Variants in CHD1 observed in about 807,000 individuals in gnomAD.
CHD1 encodes the protein ATP-dependent chromatin remodeler CHD1.
In CHD1, 36 loss-of-function variants were observed where a neutral mutation model predicts 224.2. The ratio of observed to expected loss-of-function variants is 0.16; its 90% CI spans 0.12 to 0.21. The LOEUF (loss-of-function observed/expected upper bound fraction) is 0.21. Among genes scored for constraint, CHD1 ranks in the 10% least tolerant of loss-of-function variants. CHD1 has a pLI of 1.00. For synonymous variants in CHD1, 668 were observed against 658.3 expected, an observed-to-expected ratio of 1.01 and a Z score of -0.23; for missense variants, 1,378 against 1,994.8, an observed-to-expected ratio of 0.69 and a Z score of 5.89.
At chr5:98,907,049 T>C (rs933579930) in intron 2 of CHD1, among the ~76,000 whole-genome samples, 5 of 152,230 alleles carry the variant, frequency 3.3e-5, no homozygotes, top group African/African-American at 1.2e-4. Flanking sequence ...TTCTCATTAG[T>C]CATTAGTCAT....
At chr5:98,884,085 T>A (rs1243891594) in intron 18 of CHD1, among the ~76,000 whole-genome samples, 1 of 148,730 alleles carries the variant, frequency 6.7e-6, no homozygotes, top group Non-Finnish European at 1.5e-5. Context: ...TTTGTTTTTT[T>A]TTTTTTGAGA....
In CHD1 at chr5:98,907,698, T is replaced by C. The variant is rs554136987; in HGVS notation, c.54-2600A>G. ...AAAGATACCAAATGTTTATAGAATG[T>C]TTCTTTTGCATAAGAAAGAAAAATA... On this transcript the variant is annotated intron_variant, in intron 2 of 35. Coordinates refer to ENST00000614616, the MANE Select transcript of CHD1 (RefSeq NM_001270.4). Among the ~76,000 whole-genome samples the C allele has an allele frequency of 1.6e-4, 25 of 152,138 alleles. No individual in the cohort carries two copies. In the South Asian group the frequency reaches 2.5e-3, roughly 15 times the overall value.
At chr5:98,893,741 C>T (rs1751170042) in intron 13 of CHD1, 135 bp from the exon 14 acceptor site, 2 of 606,116 alleles carry the variant, frequency 3.3e-6, no homozygotes, top group African/African-American at 1.9e-5. Flanking sequence ...AATAAAAAAT[C>T]GTAATCTCAA....
chr5:98,915,861 A>G (rs1459826475), intron 2 of CHD1, among the ~76,000 whole-genome samples: 2 of 152,196 alleles, frequency 1.3e-5, no homozygotes, highest in Admixed American at 1.3e-4. Context: ...ATTATTCATA[A>G]TAATATTTAA....
At chr5:98,891,024 T>C (rs902049470) in intron 15 of CHD1, among the ~76,000 whole-genome samples, 8 of 152,180 alleles carry the variant, frequency 5.3e-5, no homozygotes, top group Admixed American at 2.6e-4. Context: ...TATCAAGAAA[T>C]TGATTCTGCT....
intron 20 of CHD1, 45 bp downstream of exon 20, chr5:98,881,930 T>A: frequency 6.5e-7 from 1 of 1,546,798 alleles, no homozygotes; most frequent in Non-Finnish European, 8.9e-7. Context: ...AAAATATGAG[T>A]TTACTGACTC....
chr5:98,920,283 T>C (rs148434385), intron 2 of CHD1, among the ~76,000 whole-genome samples: 3 of 152,152 alleles, frequency 2.0e-5, no homozygotes, highest in Admixed American at 6.5e-5. Flanking sequence ...CTCTTGAAAG[T>C]AGGCTAGACA....
At chr5:98,879,290 GAAGA>G (rs1234405078) in intron 23 of CHD1, among the ~76,000 whole-genome samples, 1 of 151,828 alleles carries the variant, frequency 6.6e-6, no homozygotes, top group Non-Finnish European at 1.5e-5. Context: ...AAGCAGAAAG[GAAGA>G]AATAATAAAT....
chr5:98,913,718 A>G (rs1359160673), intron 2 of CHD1, among the ~76,000 whole-genome samples: 1 of 152,196 alleles, frequency 6.6e-6, no homozygotes, highest in African/African-American at 2.4e-5. Flanking sequence ...AAAAAGGAAA[A>G]GATGTTATTA....
At chr5:98,862,160 A>C (rs1315479425) in intron 32 of CHD1, among the ~76,000 whole-genome samples, 1 of 152,214 alleles carries the variant, frequency 6.6e-6, no homozygotes, top group Non-Finnish European at 1.5e-5. Flanking sequence ...CATCTCAAAA[A>C]AATAAATAAA....
chr5:98,892,546 G>A lies in CHD1; in HGVS notation c.2159C>T (p.Ala720Val), dbSNP rs761936409. The change falls in exon 15 of 36, where the codon GCT becomes GTT. Residue 720 changes from alanine to valine, a missense_variant. Around this residue, in one of 16 missense-constraint regions of CHD1, gnomAD observed 58 missense variants for 90.0 expected, o/e 0.64. Transcript: ENST00000614616. Reference sequence around the variant, plus strand: ...TTACTTGTAATATTGTTTCTGTAAAGCACTCATTTCCATTCTTAAAATCTG... The same window carrying A: ...TTACTTGTAATATTGTTTCTGTAAAACACTCATTTCCATTCTTAAAATCTG... ...VEQILRMEMS[A>V]LQKQYYKWIL... 1 of 1,613,178 alleles carries A rather than the reference G, an allele frequency of 6.2e-7. No individual in the cohort carries two copies. Among genetic ancestry groups the A allele is most frequent in the South Asian group, 1.1e-5 (1 of 91,034 alleles).
intron 16 of CHD1, 32 bp downstream of exon 16, chr5:98,889,044 A>G (rs1157936006): frequency 2.8e-6 from 4 of 1,452,250 alleles, no homozygotes; most frequent in Non-Finnish European, 3.8e-6. Flanking sequence ...CTAGAACTTT[A>G]TCACAAAGAA....
At chr5:98,907,740 T>C (rs999516733) in intron 2 of CHD1, among the ~76,000 whole-genome samples, 22 of 152,110 alleles carry the variant, frequency 1.4e-4, no homozygotes, top group Non-Finnish European at 2.6e-4. Flanking sequence ...TATATTTGCT[T>C]GTATTTTTTG....
intron 31 of CHD1, among the ~76,000 whole-genome samples, chr5:98,867,654 C>T (rs918544419): frequency 3.3e-5 from 5 of 152,094 alleles, no homozygotes; most frequent in Non-Finnish European, 7.4e-5. Flanking sequence ...ACTCAAAGTA[C>T]TTGTTAAACC....
chr5:98,869,740 A>G lies in CHD1; in HGVS notation c.4107+14T>C. The G allele has an allele frequency of 1.2e-6, 2 of 1,612,298 alleles. No homozygotes were observed. The highest frequency in any genetic ancestry group is 2.2e-5 in the South Asian group (2 of 90,544). ...TTCCATAGAAAAGGTTGTTGTTCTA[A>G]AACACATTCTTACTTTATCATCATC... On this transcript the variant is annotated intron_variant, in intron 30 of 35. Coordinates refer to ENST00000614616, the MANE Select transcript of CHD1 (RefSeq NM_001270.4).
In CHD1 at chr5:98,898,418, C is replaced by T. The variant is rs1751481072; in HGVS notation, c.1203G>A (p.Lys401=). 3 of 1,572,544 alleles carry T rather than the reference C, an allele frequency of 1.9e-6. No homozygotes were observed. In the East Asian group the frequency reaches 6.9e-5, roughly 36 times the overall value. The part of the protein sequence containing the change: ...VERIIAHSNQ[K]SAAGYPDYYC... ...AATAATCAGGATAACCAGCTGCTGA[C>T]TTTTGATTGGAATGAGCTGTGAGAG... The change falls in exon 10 of 36, where the codon AAG becomes AAA. Residue 401 remains lysine (K), a synonymous_variant. Coordinates refer to ENST00000614616, the MANE Select transcript of CHD1 (RefSeq NM_001270.4).
chr5:98,894,475 A>G, intron 13 of CHD1, 122 bp downstream of exon 13: 1 of 378,260 alleles, frequency 2.6e-6, no homozygotes, highest in Non-Finnish European at 5.0e-6. Flanking sequence ...TTAAAAAAAT[A>G]AGACCACAGG....
At chr5:98,870,584 T>C in intron 29 of CHD1, 103 bp downstream of exon 29, 1 of 538,134 alleles carries the variant, frequency 1.9e-6, no homozygotes, top group Middle Eastern at 2.9e-4. Flanking sequence ...AAAAATCCAT[T>C]TATATAAGCT....
intron 2 of CHD1, among the ~76,000 whole-genome samples, chr5:98,908,232 TG>T (rs1376292676): frequency 2.0e-5 from 3 of 152,188 alleles, no homozygotes; most frequent in African/African-American, 7.2e-5. Flanking sequence ...TTCCTGCCTT[TG>T]TACCATTCCT....
Sources: allele counts gnomAD v4.1 joint callset (sites outside exome capture counted in the v4.1 genomes callset), GRCh38; gene constraint gnomAD v4.1.1; regional missense constraint gnomAD v4.1.1; transcripts MANE v1.5; gene names NCBI Gene and HGNC (gene_info 2026-07-23, HGNC 2026-07-21).